Variants in LSM8 observed in about 807,000 individuals in gnomAD.
LSM8 encodes the protein LSM8 homolog, U6 small nuclear RNA associated.
LSM8 carries 14 observed loss-of-function variants against 15.0 expected under a neutral mutation model. The ratio of observed to expected loss-of-function variants is 0.93; its 90% CI spans 0.62 to 1.46. The LOEUF is 1.46. LSM8 is among the 40% of genes most tolerant of loss of function. LSM8 has a pLI of 0.00. For missense variants in LSM8, 90 were observed against 115.4 expected (o/e 0.78, Z 1.01); for synonymous variants, 50 against 42.1 (o/e 1.19, Z -0.73).
At chr7:118,186,286 G>T (rs1808889602) in intron 2 of LSM8, among the ~76,000 whole-genome samples, 1 of 152,120 alleles carries the variant, frequency 6.6e-6, no homozygotes, top group East Asian at 1.9e-4. Context: ...TTTGGAATTT[G>T]ATCTGAGGAA....
intron 3 of LSM8, chr7:118,189,323 CG>C (rs1448113739): frequency 6.6e-6 from 1 of 151,370 alleles, no homozygotes; most frequent in Non-Finnish European, 1.5e-5. Context: ...GAGGTGGAGG[CG>C]GGTGGATCAC....
At position 118,199,342 on chromosome 7, in the gene LSM8, G is replaced by A. The variant is rs1366492083; in HGVS notation, c.*7340G>A. Among the ~76,000 whole-genome samples, 1 of 151,732 alleles carries A rather than the reference G, an allele frequency of 6.6e-6. No homozygotes were observed. Among genetic ancestry groups the A allele is most frequent in the Non-Finnish European group, 1.5e-5 (1 of 67,916 alleles). On this transcript the variant is annotated 3_prime_UTR_variant, in exon 4 of 4. Transcript: ENST00000249299. The stretch of plus-strand genomic sequence containing the variant: ...TAATACTTTATTCTTAGAGCAGCAA[G>A]TTGATTTTAGGGGATTAAAAATCTA...
intron 3 of LSM8, chr7:118,191,219 A>C (rs1291544697): frequency 6.6e-6 from 1 of 152,226 alleles, no homozygotes; most frequent in Non-Finnish European, 1.5e-5. Flanking sequence ...ATAACATTGA[A>C]TATTTCCAGT....
At chr7:118,188,230 A>G in intron 2 of LSM8, 48 bp from the exon 3 acceptor site, 1 of 1,596,590 alleles carries the variant, frequency 6.3e-7, no homozygotes, top group Non-Finnish European at 8.6e-7. Flanking sequence ...TTACACTTTC[A>G]GGTAAACCAG....
chr7:118,199,729 A>T lies in LSM8; in HGVS notation c.*7727A>T, dbSNP rs1249463489. Among the ~76,000 whole-genome samples, 1 of 152,132 alleles carries T rather than the reference A, an allele frequency of 6.6e-6. No individual in the cohort carries two copies. The highest frequency in any genetic ancestry group is 1.5e-5 in the Non-Finnish European group (1 of 68,006). On this transcript the variant is annotated 3_prime_UTR_variant, in exon 4 of 4. Coordinates refer to ENST00000249299, the MANE Select transcript of LSM8 (RefSeq NM_016200.5). ...GACTTAAAAGATACTAGTCTTTAAGACAGGCTTTGAGAAATTCAAGTGTAG... is the reference window on the plus strand; with the variant it reads ...GACTTAAAAGATACTAGTCTTTAAGTCAGGCTTTGAGAAATTCAAGTGTAG...
chr7:118,194,920 A>C lies in LSM8; in HGVS notation c.*2918A>C, dbSNP rs10085904. Among the ~76,000 whole-genome samples, 105,710 of 151,968 alleles carry C rather than the reference A, an allele frequency of 0.7. 36,968 individuals are homozygous for C. The highest frequency in any genetic ancestry group is 0.82 in the South Asian group (3,936 of 4,826). On this transcript the variant is annotated 3_prime_UTR_variant, in exon 4 of 4. Coordinates refer to ENST00000249299, the MANE Select transcript of LSM8 (RefSeq NM_016200.5). ...AATTGAGGCTCAGCAGGGTCAAGTGACTTGTAAGAGGTAGCACTAGTAAGT... is the reference window on the plus strand; with the variant it reads ...AATTGAGGCTCAGCAGGGTCAAGTGCCTTGTAAGAGGTAGCACTAGTAAGT...
intron 3 of LSM8, 184 bp downstream of exon 3, chr7:118,188,589 C>A: frequency 2.0e-6 from 1 of 489,282 alleles, no homozygotes; most frequent in Non-Finnish European, 3.4e-6. Flanking sequence ...CATTTTATGT[C>A]AGCACTTCTT....
At chr7:118,186,306 A>G (rs541738531) in intron 2 of LSM8, among the ~76,000 whole-genome samples, 3 of 152,306 alleles carry the variant, frequency 2.0e-5, no homozygotes, top group African/African-American at 7.2e-5. Context: ...ATTCATCTCA[A>G]GATTTTTGGG....
chr7:118,186,318 A>G (rs918561824), intron 2 of LSM8, among the ~76,000 whole-genome samples: 10 of 152,196 alleles, frequency 6.6e-5, no homozygotes, highest in Non-Finnish European at 1.2e-4. Context: ...ATTTTTGGGT[A>G]CTTGGTTATT....
Position 118,188,313 on chromosome 7 carries a change from G to C in LSM8, c.108G>C (p.Leu36Phe). ...TLKGFDQTIN[L>F]ILDESHERVF... ...AAGGTTTTGACCAGACCATTAATTT[G>C]ATTTTGGATGAAAGCCATGAACGAG... The change falls in exon 3 of 4, where the codon TTG becomes TTC. Residue 36 changes from leucine to phenylalanine, a missense_variant. Coordinates refer to ENST00000249299, the MANE Select transcript of LSM8 (RefSeq NM_016200.5). 6.2e-7 allele frequency: 1 copy of C among 1,613,488 alleles called. No homozygotes were observed. The highest frequency in any genetic ancestry group is 1.1e-5 in the South Asian group (1 of 91,062).
chr7:118,201,325 A>G lies in LSM8; in HGVS notation c.*9323A>G, dbSNP rs1809170391. Among the ~76,000 whole-genome samples the G allele has an allele frequency of 6.6e-6, 1 of 152,062 alleles. No homozygotes were observed. Among genetic ancestry groups the G allele is most frequent in the African/African-American group, 2.4e-5 (1 of 41,436 alleles). On this transcript the variant is annotated 3_prime_UTR_variant, in exon 4 of 4. Coordinates refer to ENST00000249299, the MANE Select transcript of LSM8 (RefSeq NM_016200.5). ...GAGCTGCCATGGAGCATGTAGAGAG[A>G]GTCTCCTAGTTGATACCAACTCAGG... is the stretch of plus-strand genomic sequence containing the variant.
chr7:118,191,819 A>C, intron 3 of LSM8, 93 bp from the exon 4 acceptor site: 1 of 906,752 alleles, frequency 1.1e-6, no homozygotes, highest in Non-Finnish European at 1.7e-6. Flanking sequence ...TTTTGGAAGA[A>C]TGGTACTCAG....
At chr7:118,191,257 G>A (rs529505579) in intron 3 of LSM8, 24 of 152,130 alleles carry the variant, frequency 1.6e-4, no homozygotes, top group African/African-American at 4.6e-4. Flanking sequence ...GTTATCTAGC[G>A]TGGTATTAAT....
chr7:118,202,640 A>C lies in LSM8; in HGVS notation c.*10638A>C, dbSNP rs573738334. ...TTTGTCATATGGTTACCCTAACTACAAGGGAGGCTAGGAAGGTGAGGGATT... is the reference window on the plus strand; with the variant it reads ...TTTGTCATATGGTTACCCTAACTACCAGGGAGGCTAGGAAGGTGAGGGATT... On this transcript the variant is annotated 3_prime_UTR_variant, in exon 4 of 4. Transcript: ENST00000249299. 1.3e-4 allele frequency among the ~76,000 whole-genome samples: 19 copies of C among 151,950 alleles called. No individual in the cohort carries two copies. Among genetic ancestry groups the C allele is most frequent in the Admixed American group, 7.2e-4 (11 of 15,216 alleles).
chr7:118,198,275 A>C lies in LSM8; in HGVS notation c.*6273A>C, dbSNP rs976214901. 6.6e-6 allele frequency among the ~76,000 whole-genome samples: 1 copy of C among 152,204 alleles called. No individual in the cohort carries two copies. Among genetic ancestry groups the C allele is most frequent in the Non-Finnish European group, 1.5e-5 (1 of 68,044 alleles). ...TCTTTGGTGTGAAAAGATAAATGAGAAATGAGAATATGCCAGAGATCTGAA... is the reference window on the plus strand; with the variant it reads ...TCTTTGGTGTGAAAAGATAAATGAGCAATGAGAATATGCCAGAGATCTGAA... On this transcript the variant is annotated 3_prime_UTR_variant, in exon 4 of 4. Transcript: ENST00000249299.
intron 1 of LSM8, 66 bp downstream of exon 1, chr7:118,184,320 T>C: frequency 1.4e-6 from 2 of 1,405,296 alleles, no homozygotes; most frequent in Non-Finnish European, 1.9e-6. Flanking sequence ...CGGGGATCGG[T>C]GGGAGGTTGG....
At position 118,192,689 on chromosome 7, in the gene LSM8, G is replaced by T. The variant is rs1228034817; in HGVS notation, c.*687G>T. The T allele has an allele frequency of 1.3e-5, 2 of 152,194 alleles. No homozygotes were observed. Among genetic ancestry groups the T allele is most frequent in the East Asian group, 3.9e-4 (2 of 5,184 alleles). 9.4% of individuals were successfully genotyped at this position (152,194 alleles called of 1,614,324 possible). A position where few individuals can be genotyped will look rare whatever the true frequency, so the allele number is the denominator to read the frequency against. On this transcript the variant is annotated 3_prime_UTR_variant, in exon 4 of 4. Coordinates refer to ENST00000249299, the MANE Select transcript of LSM8 (RefSeq NM_016200.5). ...ATGAAAGTAATATGAACACATTAATGTTGAATTTTACAGACAGTATATTTG... is the reference window on the plus strand; with the variant it reads ...ATGAAAGTAATATGAACACATTAATTTTGAATTTTACAGACAGTATATTTG...
Position 118,201,290 on chromosome 7 carries a change from T to C in LSM8, c.*9288T>C, listed in dbSNP as rs1809169871. Among the ~76,000 whole-genome samples, 1 of 152,030 alleles carries C rather than the reference T, an allele frequency of 6.6e-6. No homozygotes were observed. Among genetic ancestry groups the C allele is most frequent in the Admixed American group, 6.6e-5 (1 of 15,222 alleles). On this transcript the variant is annotated 3_prime_UTR_variant, in exon 4 of 4. Coordinates refer to ENST00000249299, the MANE Select transcript of LSM8 (RefSeq NM_016200.5). The stretch of plus-strand genomic sequence containing the variant: ...GGAGAAAATCTTAATACTAAGTATG[T>C]GTGAGCCTGGAGCTGCCATGGAGCA...
intron 1 of LSM8, chr7:118,184,776 G>T (rs981951877): frequency 6.6e-6 from 1 of 152,230 alleles, no homozygotes; most frequent in Admixed American, 6.5e-5. Flanking sequence ...ATAGTGAGGA[G>T]CAAGTAACAA....
Sources: allele counts gnomAD v4.1 joint callset (sites outside exome capture counted in the v4.1 genomes callset), GRCh38; gene constraint gnomAD v4.1.1; transcripts MANE v1.5; gene names NCBI Gene and HGNC (gene_info 2026-07-23, HGNC 2026-07-21).